The following SYTL5 variants were observed in gnomAD, a reference collection of about 807,000 sequenced individuals.
SYTL5 encodes the protein synaptotagmin-like protein 5.
In SYTL5, 34 loss-of-function variants were observed where a neutral mutation model predicts 55.9. The ratio of observed to expected loss-of-function variants is 0.61; its 90% confidence interval spans 0.46 to 0.81. SYTL5 has a LOEUF of 0.81. Among genes scored for constraint, SYTL5 ranks in the 30% least tolerant of loss-of-function variants. The pLI is 0.00. For synonymous variants in SYTL5, 221 were observed against 188.7 expected, an observed-to-expected ratio of 1.17 and a Z score of -1.40; for missense variants, 637 against 546.7, an observed-to-expected ratio of 1.17 and a Z score of -1.65.
In SYTL5 at chrX:38,031,259, C is replaced by T. The variant is rs146922518; in HGVS notation, c.-356-2275C>T. ...TAGCCACCCATTTACACACCAGTTA[C>T]GATAATATTAGTCTGTTGGTCCAGG... On this transcript the variant is annotated intron_variant, in intron 1 of 16. Transcript: ENST00000297875. Among the ~76,000 whole-genome samples the T allele has an allele frequency of 3.2e-3, 356 of 111,913 alleles. 1 individual carries two copies. Among genetic ancestry groups the T allele is most frequent in the African/African-American group, 9.6e-3 (295 of 30,845 alleles).
the SYTL5 span, among the ~76,000 whole-genome samples, chrX:37,962,477 T>C: frequency 8.9e-6 from 1 of 112,390 alleles, no homozygotes; most frequent in South Asian, 3.7e-4. Flanking sequence ...CTATCATTGA[T>C]GGACATTTGG....
chrX:38,090,025 G>T (rs1936760058), intron 7 of SYTL5, among the ~76,000 whole-genome samples: 1 of 112,251 alleles, frequency 8.9e-6, no homozygotes, highest in Non-Finnish European at 1.9e-5. Flanking sequence ...GCTGCTGAAA[G>T]GTAGAAGCTT....
chrX:38,095,957 G>T (rs778239924), intron 8 of SYTL5, among the ~76,000 whole-genome samples, 177 bp from the exon 9 acceptor site: 121 of 111,594 alleles, frequency 1.1e-3, no homozygotes, highest in African/African-American at 3.8e-3. Flanking sequence ...ATTAAAAATA[G>T]AAGTATGTTA....
At chrX:38,031,095 C>G (rs767979408) in intron 1 of SYTL5, among the ~76,000 whole-genome samples, 1 of 110,907 alleles carries the variant, frequency 9.0e-6, no homozygotes, top group Non-Finnish European at 1.9e-5. Flanking sequence ...CTTAAGGTAC[C>G]CTTCTCCATT....
At chrX:38,101,462 T>C (rs1335965389) in intron 9 of SYTL5, among the ~76,000 whole-genome samples, 1 of 111,258 alleles carries the variant, frequency 9.0e-6, no homozygotes, top group African/African-American at 3.3e-5. Flanking sequence ...CAGATTTGTG[T>C]ATGTTTTTAT....
Position 38,096,235 on chromosome X carries a change from G to A in SYTL5, c.1062+1G>A. The A allele has an allele frequency of 9.0e-7, 1 of 1,105,723 alleles. No individual in the cohort carries two copies. The highest frequency in any genetic ancestry group is 1.2e-6 in the Non-Finnish European group (1 of 804,981). The allele number at this position is 1,105,723 out of a possible 1,213,427, so 91.1% of individuals were successfully genotyped here. A position where few individuals can be genotyped will look rare whatever the true frequency, so the allele number is the denominator to read the frequency against. Reference sequence around the variant, plus strand: ...GTCTGTCCCTGGGGCTTTAGACAAGGTAAGTTGGATGTGGAAGAAAATATA... The same window carrying A: ...GTCTGTCCCTGGGGCTTTAGACAAGATAAGTTGGATGTGGAAGAAAATATA... On this transcript the variant is annotated splice_donor_variant, in intron 9 of 16. Coordinates refer to ENST00000297875, the MANE Select transcript of SYTL5 (RefSeq NM_138780.3). LOFTEE classifies it high-confidence loss of function.
intron 1 of SYTL5, among the ~76,000 whole-genome samples, chrX:38,033,064 C>A (rs1935004397): frequency 9.0e-6 from 1 of 111,709 alleles, no homozygotes; most frequent in Admixed American, 9.5e-5. Flanking sequence ...TTTGTGAGAT[C>A]TATTTAGGTT....
At chrX:37,987,440 ATTTG>A in the SYTL5 span, among the ~76,000 whole-genome samples, 1 of 111,999 alleles carries the variant, frequency 8.9e-6, no homozygotes. Context: ...TGAAATACAT[ATTTG>A]TTTGGGTGTT....
chrX:38,078,978 A>T (rs914338749), intron 6 of SYTL5, among the ~76,000 whole-genome samples: 1 of 112,577 alleles, frequency 8.9e-6, no homozygotes, highest in African/African-American at 3.2e-5. Context: ...AAAGATGCTC[A>T]GGAGATCAAT....
At chrX:37,980,278 A>G in the SYTL5 span, among the ~76,000 whole-genome samples, 10 of 112,168 alleles carry the variant, frequency 8.9e-5, no homozygotes, top group South Asian at 3.7e-3. Flanking sequence ...AATTGCCAAT[A>G]GAGGAAATAC....
chrX:38,021,792 T>C (rs1251413010), intron 1 of SYTL5, among the ~76,000 whole-genome samples: 1 of 112,007 alleles, frequency 8.9e-6, no homozygotes, highest in African/African-American at 3.2e-5. Flanking sequence ...GGTGTGGCAA[T>C]TGGCAGTGTT....
intron 9 of SYTL5, 145 bp from the exon 10 acceptor site, chrX:38,102,197 A>C: frequency 2.3e-6 from 1 of 437,759 alleles, no homozygotes; most frequent in Non-Finnish European, 4.0e-6. Flanking sequence ...CGGAGAGGAA[A>C]AGAGAAAAAC....
intron 3 of SYTL5, among the ~76,000 whole-genome samples, chrX:38,068,215 G>C (rs949954142): frequency 6.3e-5 from 7 of 111,542 alleles, no homozygotes; most frequent in African/African-American, 2.3e-4. Flanking sequence ...CAAATCAGAA[G>C]CACAATGAAA....
the SYTL5 span, among the ~76,000 whole-genome samples, chrX:37,916,102 T>C: frequency 8.9e-6 from 1 of 111,826 alleles, no homozygotes; most frequent in Non-Finnish European, 1.9e-5. Context: ...ATACTTCCGT[T>C]AGGAACTCCT....
the SYTL5 span, among the ~76,000 whole-genome samples, chrX:37,921,202 C>T: frequency 2.3e-4 from 26 of 111,509 alleles, no homozygotes; most frequent in East Asian, 5.6e-4. Flanking sequence ...AGTTAAGTAA[C>T]GTATTATCTC....
At chrX:38,119,545 C>T (rs1382361924) in intron 13 of SYTL5, among the ~76,000 whole-genome samples, 2 of 112,431 alleles carry the variant, frequency 1.8e-5, no homozygotes, top group Non-Finnish European at 3.8e-5. Flanking sequence ...AGTATTCCAT[C>T]GTATGAATGT....
At chrX:37,950,269 G>C in the SYTL5 span, among the ~76,000 whole-genome samples, 1 of 110,860 alleles carries the variant, frequency 9.0e-6, no homozygotes, top group Non-Finnish European at 1.9e-5. Context: ...CTTTCTGTTG[G>C]CACCTGTTCC....
the SYTL5 span, among the ~76,000 whole-genome samples, chrX:37,959,175 G>A: frequency 8.9e-6 from 1 of 111,893 alleles, no homozygotes; most frequent in Non-Finnish European, 1.9e-5. Context: ...CTCTAGCACT[G>A]ACTGAGGTGT....
chrX:37,909,724 G>T, the SYTL5 span, among the ~76,000 whole-genome samples: 1 of 109,394 alleles, frequency 9.1e-6, no homozygotes, highest in East Asian at 2.8e-4. Context: ...GCCCAGGCTG[G>T]AGTGCAATGG....
Sources: gnomAD v4.1 joint callset for allele counts (sites outside exome capture counted in the v4.1 genomes callset) on GRCh38, gnomAD v4.1.1 for gene constraint, MANE v1.5 for transcripts, NCBI Gene and HGNC (gene_info 2026-07-23, HGNC 2026-07-21) for gene names.